The following XIRP2 variants were observed in gnomAD, a reference collection of about 807,000 sequenced individuals.
The protein encoded by XIRP2 is xin actin binding repeat containing 2.
Under a neutral mutation model 277.0 loss-of-function variants are expected in XIRP2, and 236 were observed. The ratio of observed to expected loss-of-function variants is 0.85; its 90% CI spans 0.77 to 0.95. The LOEUF is 0.95. Among genes scored for constraint, XIRP2 ranks in the 40% least tolerant of loss-of-function variants. The probability of loss-of-function intolerance (pLI) is 0.00; values close to 1 mark genes in which losing one functional copy is unlikely to be tolerated. For synonymous variants in XIRP2, 1,490 were observed against 1,416.5 expected, an observed-to-expected ratio of 1.05 and a Z score of -1.17; for missense variants, 4,640 against 4,157.5, an observed-to-expected ratio of 1.12 and a Z score of -3.19.
At chr2:167,166,342 T>A (rs1230221449) in intron 3 of XIRP2, among the ~76,000 whole-genome samples, 1 of 152,224 alleles carries the variant, frequency 6.6e-6, no homozygotes, top group Non-Finnish European at 1.5e-5. Context: ...ATTTCTATTC[T>A]TTTAAATTTA....
chr2:167,250,275 G>C lies in XIRP2; in HGVS notation c.8883G>C (p.Val2961=), dbSNP rs1695438994. 6.2e-7 allele frequency: 1 copy of C among 1,613,272 alleles called. No homozygotes were observed. Among genetic ancestry groups the C allele is most frequent in the South Asian group, 1.1e-5 (1 of 90,948 alleles). Residue 2961 remains valine (V), a synonymous_variant, in exon 9 of 11, where the codon GTG becomes GTC. Coordinates refer to ENST00000409195, the MANE Select transcript of XIRP2 (RefSeq NM_152381.6). ...AACTGCAACAGATTTTGTCGAGAGT[G>C]AAACAGTTTGAAGCAGAGCCAAATA... ...REELQQILSR[V]KQFEAEPNKS...
At chr2:167,222,696 A>G (rs1694468523) in intron 5 of XIRP2, among the ~76,000 whole-genome samples, 1 of 152,138 alleles carries the variant, frequency 6.6e-6, no homozygotes, top group African/African-American at 2.4e-5. Context: ...AAAACATTCT[A>G]AATAATCCAT....
chr2:167,017,858 GC>G (rs1687874717), intron 2 of XIRP2, among the ~76,000 whole-genome samples: 1 of 151,966 alleles, frequency 6.6e-6, no homozygotes, highest in Non-Finnish European at 1.5e-5. Context: ...AGATGTCCCA[GC>G]CCATATTTTA....
intron 2 of XIRP2, among the ~76,000 whole-genome samples, chr2:167,103,759 C>G (rs772435749): frequency 6.6e-6 from 1 of 152,068 alleles, no homozygotes; most frequent in South Asian, 2.1e-4. Context: ...CAAACGCTAG[C>G]TGGTATGTCT....
intron 3 of XIRP2, among the ~76,000 whole-genome samples, chr2:167,162,223 A>C (rs949237299): frequency 3.3e-5 from 5 of 152,158 alleles, no homozygotes; most frequent in Non-Finnish European, 7.3e-5. Flanking sequence ...AACTGTTCCA[A>C]CATCTGCCTG....
At chr2:166,941,473 C>A (rs1200030759) in intron 2 of XIRP2, among the ~76,000 whole-genome samples, 2 of 152,210 alleles carry the variant, frequency 1.3e-5, no homozygotes, top group Non-Finnish European at 2.9e-5. Flanking sequence ...GTCCGACAAG[C>A]CCCAGTGAGA....
chr2:166,894,964 CG>C (rs1684202915), intron 1 of XIRP2, among the ~76,000 whole-genome samples: 1 of 152,076 alleles, frequency 6.6e-6, no homozygotes, highest in South Asian at 2.1e-4. Context: ...GGATAAATAA[CG>C]GATACCAGCA....
At chr2:167,170,985 C>T (rs2893039) in intron 3 of XIRP2, among the ~76,000 whole-genome samples, 11,813 of 150,268 alleles carry the variant, frequency 0.079, 523 homozygotes, top group South Asian at 0.15. Context: ...CTGCACCCTC[C>T]GCCTCCAGGG....
rs746941659 is a variant in XIRP2 at position 167,254,172 on chromosome 2, T to C, written c.*39+7T>C. 6 of 1,606,750 alleles carry C rather than the reference T, an allele frequency of 3.7e-6. No homozygotes were observed. In the South Asian group the frequency reaches 5.6e-5, roughly 15 times the overall value. ...ATTGCAACAGTAAACTAAGGTAAAA[T>C]GTTTAATTGTCTTTGCCACAAATAT... On this transcript the variant is annotated splice_region_variant and intron_variant, in intron 10 of 10. Transcript: ENST00000409195.
chr2:166,914,993 GT>G (rs1031246106), intron 2 of XIRP2, among the ~76,000 whole-genome samples: 1 of 151,800 alleles, frequency 6.6e-6, no homozygotes, highest in African/African-American at 2.4e-5. Flanking sequence ...TTGTTTGTTT[GT>G]TTTTTAAAAA....
chr2:167,086,802 T>G (rs891730708), intron 2 of XIRP2, among the ~76,000 whole-genome samples: 1 of 149,240 alleles, frequency 6.7e-6, no homozygotes, highest in African/African-American at 2.4e-5. Context: ...ATCAGCTCCT[T>G]TAAGCACTTC....
chr2:166,982,131 C>CT (rs1686885820), intron 2 of XIRP2, among the ~76,000 whole-genome samples: 1 of 151,778 alleles, frequency 6.6e-6, no homozygotes, highest in Non-Finnish European at 1.5e-5. Flanking sequence ...TTTTGGATAA[C>CT]TTTTTCTTTT....
chr2:167,030,788 G>T (rs1468248419), intron 2 of XIRP2, among the ~76,000 whole-genome samples: 2 of 152,010 alleles, frequency 1.3e-5, no homozygotes, highest in Non-Finnish European at 2.9e-5. Context: ...TCGACAGTGG[G>T]GTGTTAAAGT....
chr2:167,010,159 G>A (rs878901845), intron 2 of XIRP2, among the ~76,000 whole-genome samples: 2 of 152,092 alleles, frequency 1.3e-5, no homozygotes, highest in Non-Finnish European at 2.9e-5. Flanking sequence ...GTCCTGAATG[G>A]TAATATTAGC....
At chr2:167,161,264 T>C (rs1692353651) in intron 3 of XIRP2, among the ~76,000 whole-genome samples, 1 of 152,212 alleles carries the variant, frequency 6.6e-6, no homozygotes, top group African/African-American at 2.4e-5. Context: ...GTCTGGAAGA[T>C]AGTGGCCTTC....
At chr2:167,117,328 C>T (rs764289563) in intron 2 of XIRP2, among the ~76,000 whole-genome samples, 4 of 152,102 alleles carry the variant, frequency 2.6e-5, no homozygotes, top group Non-Finnish European at 4.4e-5. Flanking sequence ...ACATACAGTG[C>T]ACACACACAC....
At chr2:167,043,377 T>C (rs560048077) in intron 2 of XIRP2, among the ~76,000 whole-genome samples, 226 of 151,782 alleles carry the variant, frequency 1.5e-3, no homozygotes, top group African/African-American at 5.1e-3. Flanking sequence ...AAGATACACA[T>C]TCATACAAAA....
intron 2 of XIRP2, among the ~76,000 whole-genome samples, chr2:166,918,149 G>A (rs1027428054): frequency 6.6e-6 from 1 of 152,134 alleles, no homozygotes; most frequent in African/African-American, 2.4e-5. Context: ...TGATCACTTA[G>A]GTGAGGTAAT....
At chr2:167,174,028 G>A (rs1283629848) in intron 3 of XIRP2, among the ~76,000 whole-genome samples, 1 of 152,138 alleles carries the variant, frequency 6.6e-6, no homozygotes. Flanking sequence ...GTATTTTATT[G>A]AGGATTTTCG....
Sources: allele counts gnomAD v4.1 joint callset (sites outside exome capture counted in the v4.1 genomes callset), GRCh38; gene constraint gnomAD v4.1.1; transcripts MANE v1.5; gene names NCBI Gene and HGNC (gene_info 2026-07-23, HGNC 2026-07-21).